The following FSIP1 variants were observed in gnomAD, a reference collection of about 807,000 sequenced individuals.
FSIP1 encodes fibrous sheath-interacting protein 1.
FSIP1 carries 65 observed loss-of-function variants against 60.9 expected under a neutral mutation model. The ratio of observed to expected loss-of-function variants is 1.07; its 90% CI spans 0.87 to 1.31. FSIP1 has a LOEUF of 1.31. Among genes scored for constraint, FSIP1 ranks in the 40% most tolerant of loss-of-function variants. The pLI, the probability that FSIP1 is intolerant of heterozygous loss-of-function variation, is 0.00. For missense variants in FSIP1, 675 were observed against 665.5 expected (o/e 1.01, Z -0.16); for synonymous variants, 209 against 221.2 (o/e 0.94, Z 0.49).
chr15:39,632,796 A>AAAAT (rs1247581661), intron 10 of FSIP1, among the ~76,000 whole-genome samples: 1 of 152,144 alleles, frequency 6.6e-6, no homozygotes, highest in Admixed American at 6.5e-5. Context: ...GTCTCAAAAA[A>AAAAT]AAATAAATAA....
chr15:39,602,708 T>G (rs1890684877), intron 11 of FSIP1, among the ~76,000 whole-genome samples: 1 of 152,162 alleles, frequency 6.6e-6, no homozygotes, highest in Non-Finnish European at 1.5e-5. Flanking sequence ...TAAGTGCTAT[T>G]CTCTCACTAT....
intron 11 of FSIP1, among the ~76,000 whole-genome samples, chr15:39,609,853 A>G (rs1160124830): frequency 1.3e-5 from 2 of 152,236 alleles, no homozygotes; most frequent in African/African-American, 4.8e-5. Context: ...GAGCACAGCC[A>G]GAAGTTCCAC....
chr15:39,692,738 C>T (rs897338706), intron 10 of FSIP1, among the ~76,000 whole-genome samples: 1 of 150,962 alleles, frequency 6.6e-6, no homozygotes, highest in African/African-American at 2.4e-5. Context: ...AGAGAAGACC[C>T]TAGGTTTAAA....
chr15:39,635,599 A>G (rs1329587519), intron 10 of FSIP1, among the ~76,000 whole-genome samples: 1 of 152,082 alleles, frequency 6.6e-6, no homozygotes, highest in Non-Finnish European at 1.5e-5. Flanking sequence ...TTCCTATTGT[A>G]ATAGCTTAAA....
At chr15:39,722,204 A>T (rs1896009313) in intron 9 of FSIP1, among the ~76,000 whole-genome samples, 1 of 152,002 alleles carries the variant, frequency 6.6e-6, no homozygotes, top group Non-Finnish European at 1.5e-5. Context: ...CATATTCCTT[A>T]TGAGAATCTA....
chr15:39,753,340 A>G (rs927054741), intron 5 of FSIP1, among the ~76,000 whole-genome samples: 3 of 152,232 alleles, frequency 2.0e-5, no homozygotes, highest in Admixed American at 6.6e-5. Flanking sequence ...TGAAGTTCAC[A>G]CAGCCTGACA....
intron 10 of FSIP1, among the ~76,000 whole-genome samples, chr15:39,675,029 C>T (rs140679706): frequency 1.3e-5 from 2 of 151,646 alleles, no homozygotes; most frequent in East Asian, 1.9e-4. Context: ...GGGCAAAAGA[C>T]ATGAATAGGC....
chr15:39,726,712 T>C lies in FSIP1; in HGVS notation c.927A>G (p.Gly309=). The C allele has an allele frequency of 6.2e-7, 1 of 1,614,100 alleles. No homozygotes were observed. ...DQSGWVVPVK[G]YELAVTQHQQ... ...GATGCTGGGTGACTGCAAGTTCATATCCTTTTACTGGGACCACCCAGCCAG... is the reference window on the plus strand; with the variant it reads ...GATGCTGGGTGACTGCAAGTTCATACCCTTTTACTGGGACCACCCAGCCAG... Residue 309 remains glycine (G), a synonymous_variant, in exon 9 of 12, where the codon GGA becomes GGG. Transcript: ENST00000350221.
At chr15:39,710,702 C>T (rs1465923962) in intron 10 of FSIP1, among the ~76,000 whole-genome samples, 1 of 152,156 alleles carries the variant, frequency 6.6e-6, no homozygotes, top group African/African-American at 2.4e-5. Flanking sequence ...TAAATGTTAA[C>T]CATTTGAATC....
chr15:39,778,458 G>A (rs1475214628), intron 1 of FSIP1, among the ~76,000 whole-genome samples: 3 of 152,234 alleles, frequency 2.0e-5, no homozygotes, highest in Admixed American at 6.5e-5. Flanking sequence ...GAGGTAGGTG[G>A]GGACTCAATA....
At chr15:39,761,460 T>G (rs1897495756) in intron 5 of FSIP1, among the ~76,000 whole-genome samples, 1 of 152,068 alleles carries the variant, frequency 6.6e-6, no homozygotes, top group African/African-American at 2.4e-5. Flanking sequence ...CCAAGCAAAA[T>G]AAACCAGACA....
chr15:39,671,392 GA>G (rs1008017434), intron 10 of FSIP1, among the ~76,000 whole-genome samples: 10 of 151,816 alleles, frequency 6.6e-5, no homozygotes, highest in Non-Finnish European at 1.0e-4. Context: ...TTTTTATGTT[GA>G]TTTTTTTTAA....
At chr15:39,687,792 T>C (rs1304661474) in intron 10 of FSIP1, among the ~76,000 whole-genome samples, 1 of 152,210 alleles carries the variant, frequency 6.6e-6, no homozygotes, top group Non-Finnish European at 1.5e-5. Context: ...TTAAGCCTCT[T>C]CTCTAACTGT....
intron 11 of FSIP1, among the ~76,000 whole-genome samples, chr15:39,608,175 T>G (rs1168291142): frequency 6.6e-6 from 1 of 152,198 alleles, no homozygotes; most frequent in Non-Finnish European, 1.5e-5. Context: ...AAACAGAAAG[T>G]AAAATATGGT....
chr15:39,767,888 C>T (rs555772566), intron 3 of FSIP1, among the ~76,000 whole-genome samples: 7 of 152,290 alleles, frequency 4.6e-5, no homozygotes, highest in South Asian at 2.1e-4. Flanking sequence ...ACATGTGATT[C>T]GATTCTTCTG....
chr15:39,648,187 A>C (rs1216218537), intron 10 of FSIP1, among the ~76,000 whole-genome samples: 1 of 151,330 alleles, frequency 6.6e-6, no homozygotes, highest in African/African-American at 2.4e-5. Flanking sequence ...AAAGAAAAAA[A>C]AAGAATCTAG....
At chr15:39,757,716 G>T (rs1897344682) in intron 5 of FSIP1, among the ~76,000 whole-genome samples, 1 of 152,010 alleles carries the variant, frequency 6.6e-6, no homozygotes, top group South Asian at 2.1e-4. Context: ...ATCAAAAAAA[G>T]ATTCTAATTA....
intron 11 of FSIP1, chr15:39,602,426 C>A: frequency 2.2e-6 from 1 of 453,708 alleles, no homozygotes; most frequent in South Asian, 1.6e-5. Context: ...GAATAAATTT[C>A]TGTCATGGTA....
chr15:39,713,394 C>A, intron 10 of FSIP1, 50 bp downstream of exon 10: 1 of 1,530,198 alleles, frequency 6.5e-7, no homozygotes, highest in East Asian at 2.3e-5. Flanking sequence ...TAGTGAGAAC[C>A]TGCCTCTATT....
Sources: gnomAD v4.1 joint callset for allele counts (sites outside exome capture counted in the v4.1 genomes callset) on GRCh38, gnomAD v4.1.1 for gene constraint, MANE v1.5 for transcripts, NCBI Gene and HGNC (gene_info 2026-07-23, HGNC 2026-07-21) for gene names.